PAK5: variants seen among roughly 807,000 people sequenced by gnomAD.
PAK5 encodes serine/threonine-protein kinase PAK 5.
Under a neutral mutation model 65.9 loss-of-function variants are expected in PAK5, and 16 were observed. That is an observed-to-expected ratio of 0.24 (90% CI 0.16 to 0.37). PAK5 has a LOEUF of 0.37. PAK5 is among the 10% of genes least tolerant of loss of function. The pLI is 1.00. For missense variants in PAK5, 785 were observed against 903.9 expected, an observed-to-expected ratio of 0.87 and a Z score of 1.69; for synonymous variants, 371 against 354.9, an observed-to-expected ratio of 1.05 and a Z score of -0.51.
At chr20:9,567,816 T>C (rs2045707711) in intron 4 of PAK5, among the ~76,000 whole-genome samples, 1 of 152,106 alleles carries the variant, frequency 6.6e-6, no homozygotes, top group Admixed American at 6.5e-5. Flanking sequence ...ATGAATAATA[T>C]TAAGAAAAAT....
intron 6 of PAK5, among the ~76,000 whole-genome samples, chr20:9,560,527 T>G (rs2045575796): frequency 6.6e-6 from 1 of 152,090 alleles, no homozygotes; most frequent in Admixed American, 6.6e-5. Context: ...ACTCAGCTAA[T>G]TTTTAAATTT....
chr20:9,557,452 T>C (rs1281506072), intron 7 of PAK5, among the ~76,000 whole-genome samples, 156 bp downstream of exon 7: 1 of 152,186 alleles, frequency 6.6e-6, no homozygotes, highest in Non-Finnish European at 1.5e-5. Flanking sequence ...GAGGAAGGGA[T>C]GGTAATTTCT....
chr20:9,667,689 G>A (rs1373332963), intron 2 of PAK5, among the ~76,000 whole-genome samples: 1 of 152,128 alleles, frequency 6.6e-6, no homozygotes, highest in East Asian at 1.9e-4. Flanking sequence ...ATATCATAAA[G>A]TTGTCTTTGT....
intron 7 of PAK5, among the ~76,000 whole-genome samples, chr20:9,555,033 T>C (rs1259723818): frequency 6.6e-6 from 1 of 152,226 alleles, no homozygotes. Context: ...AAACTTAGTA[T>C]TTATCACCCC....
intron 1 of PAK5, among the ~76,000 whole-genome samples, chr20:9,774,691 G>A (rs1172232056): frequency 1.3e-5 from 2 of 152,078 alleles, no homozygotes; most frequent in East Asian, 3.9e-4. Flanking sequence ...CTACTCACTA[G>A]AGGAGCTGAC....
At position 9,590,262 on chromosome 20, in the gene PAK5, G is replaced by A. The variant is rs995994703; in HGVS notation, c.205-9332C>T. Among the ~76,000 whole-genome samples the A allele has an allele frequency of 5.3e-5, 8 of 152,274 alleles. No homozygotes were observed. In the East Asian group the frequency reaches 1.4e-3, roughly 26 times the overall value. ...TGGGATTACAGGTATGAGCCACCAGGACTGGCCAAGAATTGTTTTTAATGT... is the reference window on the plus strand; with the variant it reads ...TGGGATTACAGGTATGAGCCACCAGAACTGGCCAAGAATTGTTTTTAATGT... On this transcript the variant is annotated intron_variant, in intron 3 of 9. Transcript: ENST00000353224.
At chr20:9,612,431 C>T (rs987436218) in intron 3 of PAK5, among the ~76,000 whole-genome samples, 2 of 152,118 alleles carry the variant, frequency 1.3e-5, no homozygotes, top group Non-Finnish European at 2.9e-5. Context: ...GGCATCTGCT[C>T]AGCTTCTGGG....
chr20:9,712,635 T>C (rs911897939), intron 1 of PAK5, among the ~76,000 whole-genome samples: 2 of 152,106 alleles, frequency 1.3e-5, no homozygotes, highest in African/African-American at 4.8e-5. Context: ...AAAGCTATAG[T>C]AACCAAACCA....
intron 1 of PAK5, among the ~76,000 whole-genome samples, chr20:9,713,239 T>C (rs997372371): frequency 2.0e-5 from 3 of 151,938 alleles, no homozygotes; most frequent in African/African-American, 7.2e-5. Context: ...GACATACAAA[T>C]GTCCAACAGG....
chr20:9,629,334 C>T (rs575940284), intron 3 of PAK5, among the ~76,000 whole-genome samples: 30 of 152,282 alleles, frequency 2.0e-4, no homozygotes, highest in African/African-American at 6.7e-4. Flanking sequence ...TGGGGAACTG[C>T]TATAGCAAAT....
chr20:9,652,034 T>C (rs1342056419), intron 2 of PAK5, among the ~76,000 whole-genome samples: 1 of 152,222 alleles, frequency 6.6e-6, no homozygotes, highest in African/African-American at 2.4e-5. Context: ...TCTTTTCTTA[T>C]TGACTCCCTC....
chr20:9,630,482 G>T (rs2046907243), intron 3 of PAK5, among the ~76,000 whole-genome samples: 2 of 152,228 alleles, frequency 1.3e-5, no homozygotes, highest in African/African-American at 4.8e-5. Flanking sequence ...ATCTGTGGAT[G>T]TGGCATCACC....
chr20:9,811,443 C>A (rs1318459526), intron 1 of PAK5, among the ~76,000 whole-genome samples: 2 of 152,096 alleles, frequency 1.3e-5, no homozygotes, highest in African/African-American at 2.4e-5. Context: ...AAAGAACAGT[C>A]CAGGACAAAT....
intron 1 of PAK5, among the ~76,000 whole-genome samples, chr20:9,743,252 C>T (rs2048469075): frequency 6.6e-6 from 1 of 151,938 alleles, no homozygotes; most frequent in African/African-American, 2.4e-5. Context: ...CACCTGTAGC[C>T]CAAGCTACCT....
At chr20:9,751,869 T>TAAAACAGA in intron 1 of PAK5, among the ~76,000 whole-genome samples, 1 of 152,170 alleles carries the variant, frequency 6.6e-6, no homozygotes. Flanking sequence ...AAAAAATTCA[T>TAAAACAGA]GTAGGGAGTC....
intron 3 of PAK5, among the ~76,000 whole-genome samples, chr20:9,601,987 T>G (rs2046368268): frequency 6.6e-6 from 1 of 152,128 alleles, no homozygotes; most frequent in South Asian, 2.1e-4. Flanking sequence ...CTATGTAGCA[T>G]TTTGGCAACC....
chr20:9,577,625 A>G, intron 4 of PAK5: 1 of 152,264 alleles, frequency 6.6e-6, no homozygotes, highest in East Asian at 1.9e-4. Flanking sequence ...TTCTAAAGAC[A>G]CAGGCACCTC....
At chr20:9,713,649 T>C (rs1306487825) in intron 1 of PAK5, among the ~76,000 whole-genome samples, 5 of 152,046 alleles carry the variant, frequency 3.3e-5, no homozygotes, top group African/African-American at 1.2e-4. Flanking sequence ...AAAGAAAATG[T>C]GGTATATGTA....
In PAK5 at chr20:9,778,851, C is replaced by T. The variant is rs74470814; in HGVS notation, c.-162+59911G>A. ...AAAGTGAACTCTCAGGAAACCGCAA[C>T]GTAAGTTGAGGTAGAGAACATTTTG... On this transcript the variant is annotated intron_variant, in intron 1 of 9. Coordinates refer to ENST00000353224, the MANE Select transcript of PAK5 (RefSeq NM_177990.4). 1.9e-4 allele frequency among the ~76,000 whole-genome samples: 29 copies of T among 152,212 alleles called. No individual in the cohort carries two copies. In the East Asian group the frequency reaches 4.7e-3, roughly 24 times the overall value.
Sources: gnomAD v4.1 joint callset for allele counts (sites outside exome capture counted in the v4.1 genomes callset) on GRCh38, gnomAD v4.1.1 for gene constraint, MANE v1.5 for transcripts, NCBI Gene and HGNC (gene_info 2026-07-23, HGNC 2026-07-21) for gene names.